RGS20: variants seen among roughly 807,000 people sequenced by gnomAD.
RGS20 encodes the protein gz-selective GTPase-activating protein.
Under a neutral mutation model 33.6 loss-of-function variants are expected in RGS20, and 30 were observed. The observed-to-expected ratio is 0.89, with a 90% CI of 0.67 to 1.21. RGS20 has a LOEUF of 1.21. RGS20 is among the 50% of genes most tolerant of loss of function. RGS20 has a pLI of 0.00. For missense variants in RGS20, 472 were observed against 502.4 expected, an observed-to-expected ratio of 0.94 and a Z score of 0.58; for synonymous variants, 208 against 197.9, an observed-to-expected ratio of 1.05 and a Z score of -0.43.
chr8:53,864,411 C>A (rs962933831), intron 1 of RGS20, among the ~76,000 whole-genome samples: 1 of 139,354 alleles, frequency 7.2e-6, no homozygotes, highest in African/African-American at 2.7e-5. Flanking sequence ...TCCAGCCTGG[C>A]GATAGAGCAA....
chr8:53,937,266 A>G (rs1462918179), intron 2 of RGS20, among the ~76,000 whole-genome samples: 1 of 152,094 alleles, frequency 6.6e-6, no homozygotes, highest in Non-Finnish European at 1.5e-5. Flanking sequence ...CGTTGTGCAC[A>G]TGTACCCTAG....
At chr8:53,957,921 C>T (rs1001435057) in intron 5 of RGS20, among the ~76,000 whole-genome samples, 2 of 151,992 alleles carry the variant, frequency 1.3e-5, no homozygotes, top group Non-Finnish European at 2.9e-5. Flanking sequence ...CCGAGGCGGG[C>T]GGATAACCTG....
intron 2 of RGS20, among the ~76,000 whole-genome samples, chr8:53,892,449 T>C (rs1812738243): frequency 6.6e-6 from 1 of 152,188 alleles, no homozygotes; most frequent in Non-Finnish European, 1.5e-5. Flanking sequence ...TCCTCAGGGA[T>C]CTAGAACTAG....
chr8:53,881,623 C>G (rs962696158), intron 2 of RGS20, among the ~76,000 whole-genome samples: 1 of 151,992 alleles, frequency 6.6e-6, no homozygotes, highest in Non-Finnish European at 1.5e-5. Context: ...GCAGGGGCAC[C>G]GAGGGGCAGG....
intron 2 of RGS20, among the ~76,000 whole-genome samples, chr8:53,911,968 A>G (rs1813359131): frequency 6.6e-6 from 1 of 152,102 alleles, no homozygotes; most frequent in Non-Finnish European, 1.5e-5. Flanking sequence ...AAAAAGATGG[A>G]ACATTTCCAA....
At chr8:53,911,365 C>A (rs1201872695) in intron 2 of RGS20, among the ~76,000 whole-genome samples, 1 of 152,142 alleles carries the variant, frequency 6.6e-6, no homozygotes, top group Non-Finnish European at 1.5e-5. Flanking sequence ...GGAAACAGAA[C>A]TACAGACTAA....
chr8:53,934,574 T>C lies in RGS20; in HGVS notation c.511-5002T>C, dbSNP rs190004024. Among the ~76,000 whole-genome samples, 101 of 152,270 alleles carry C rather than the reference T, an allele frequency of 6.6e-4. No homozygotes were observed. In the East Asian group the frequency reaches 0.017, roughly 26 times the overall value. ...AGAAGAGATAACTATCCTAAACATA[T>C]ATGCACCCAATAAAGGAGCATCCAT... On this transcript the variant is annotated intron_variant, in intron 2 of 5. Transcript: ENST00000297313.
intron 2 of RGS20, chr8:53,879,889 T>A (rs1382912188): frequency 5.4e-6 from 2 of 372,360 alleles, no homozygotes. Context: ...TCCCCGAGGC[T>A]GCCTTTCAAA....
intron 1 of RGS20, among the ~76,000 whole-genome samples, chr8:53,878,881 GA>G (rs1324198686): frequency 1.3e-5 from 2 of 152,196 alleles, no homozygotes; most frequent in African/African-American, 4.8e-5. Flanking sequence ...TCCAAATTCT[GA>G]AGAACCAGGC....
chr8:53,948,149 GTA>G (rs1198517875), intron 4 of RGS20, among the ~76,000 whole-genome samples: 9 of 130,176 alleles, frequency 6.9e-5, no homozygotes, highest in African/African-American at 2.6e-4. Context: ...ATATGATATA[GTA>G]TATATATTTA....
intron 2 of RGS20, among the ~76,000 whole-genome samples, chr8:53,928,991 TGATATATGCAACA>T (rs1195741331): frequency 6.6e-6 from 1 of 152,204 alleles, no homozygotes; most frequent in Non-Finnish European, 1.5e-5. Context: ...AATGACTTAT[TGATATATGCAACA>T]ATCTCAAAAC....
chr8:53,885,857 T>C (rs1812528568), intron 2 of RGS20, among the ~76,000 whole-genome samples: 1 of 151,330 alleles, frequency 6.6e-6, no homozygotes, highest in Non-Finnish European at 1.5e-5. Context: ...CTTGAATACT[T>C]TGCATCTTGG....
chr8:53,920,476 A>G (rs1306661790), intron 2 of RGS20, among the ~76,000 whole-genome samples: 3 of 152,168 alleles, frequency 2.0e-5, no homozygotes, highest in Non-Finnish European at 4.4e-5. Context: ...ATTTGCAAAT[A>G]GAGATATAGA....
chr8:53,858,309 T>A (rs756653556), intron 1 of RGS20, among the ~76,000 whole-genome samples: 1 of 152,138 alleles, frequency 6.6e-6, no homozygotes, highest in Non-Finnish European at 1.5e-5. Flanking sequence ...ACCTGTACAC[T>A]CCACTTACAA....
intron 3 of RGS20, among the ~76,000 whole-genome samples, chr8:53,942,012 G>A (rs963460792): frequency 3.9e-5 from 6 of 152,166 alleles, no homozygotes; most frequent in African/African-American, 1.4e-4. Context: ...GGTGGCTCAC[G>A]CCTGTAATCC....
At chr8:53,862,195 C>A (rs957763175) in intron 1 of RGS20, among the ~76,000 whole-genome samples, 22 of 152,092 alleles carry the variant, frequency 1.4e-4, no homozygotes, top group African/African-American at 5.3e-4. Context: ...GAACCTCATT[C>A]TCTCATTCTG....
chr8:53,958,436 C>A lies in RGS20; in HGVS notation c.1145C>A (p.Ser382Ter). The change falls in exon 6 of 6, where the codon TCG (serine) becomes TAG (stop). Residue 382 changes from serine to a stop codon, truncating the protein, a stop_gained. Coordinates refer to ENST00000297313, the MANE Select transcript of RGS20 (RefSeq NM_170587.4). LOFTEE classifies it high-confidence loss of function. ...TATAAGGACTTGCTTCAGTCCTTAT[C>A]GGAGAAATCTATTGAAGCATAGGAT... 2 of 1,530,244 alleles carry A rather than the reference C, an allele frequency of 1.3e-6. No individual in the cohort carries two copies. Among genetic ancestry groups the A allele is most frequent in the Non-Finnish European group, 1.8e-6 (2 of 1,137,900 alleles). 94.8% of individuals were successfully genotyped at this position (1,530,244 alleles called of 1,614,324 possible).
chr8:53,927,685 C>A (rs1341175680), intron 2 of RGS20, among the ~76,000 whole-genome samples: 1 of 152,030 alleles, frequency 6.6e-6, no homozygotes, highest in African/African-American at 2.4e-5. Flanking sequence ...GCATTCTCTG[C>A]CAAACAGACT....
chr8:53,881,966 T>C (rs1260096012), intron 2 of RGS20, among the ~76,000 whole-genome samples: 1 of 149,750 alleles, frequency 6.7e-6, no homozygotes, highest in Non-Finnish European at 1.5e-5. Context: ...CGGTGGGCGT[T>C]GGAGGGGAGG....
Sources: allele counts gnomAD v4.1 joint callset (sites outside exome capture counted in the v4.1 genomes callset), GRCh38; gene constraint gnomAD v4.1.1; transcripts MANE v1.5; gene names NCBI Gene and HGNC (gene_info 2026-07-23, HGNC 2026-07-21).